TMPRSS11E: variants seen among roughly 807,000 people sequenced by gnomAD.
TMPRSS11E encodes transmembrane serine protease 11E.
TMPRSS11E carries 38 observed loss-of-function variants against 48.1 expected under a neutral mutation model. The ratio of observed to expected loss-of-function variants is 0.79; its 90% CI spans 0.61 to 1.04. The LOEUF (loss-of-function observed/expected upper bound fraction) is 1.04. Among genes scored for constraint, TMPRSS11E ranks in the 50% least tolerant of loss-of-function variants. The pLI is 0.00. For missense variants in TMPRSS11E, 530 were observed against 510.8 expected, an observed-to-expected ratio of 1.04 and a Z score of -0.36; for synonymous variants, 158 against 171.9, an observed-to-expected ratio of 0.92 and a Z score of 0.63.
intron 3 of TMPRSS11E, among the ~76,000 whole-genome samples, chr4:68,468,040 A>T (rs1391826680): frequency 1.3e-5 from 2 of 152,144 alleles, no homozygotes; most frequent in African/African-American, 2.4e-5. Context: ...TTTTCTTGTG[A>T]ATACTGCCAT....
At chr4:68,493,626 C>T (rs1729791047) in intron 9 of TMPRSS11E, among the ~76,000 whole-genome samples, 1 of 152,022 alleles carries the variant, frequency 6.6e-6, no homozygotes, top group South Asian at 2.1e-4. Flanking sequence ...GCCACCACAC[C>T]AGACTAATTT....
intron 9 of TMPRSS11E, among the ~76,000 whole-genome samples, chr4:68,494,946 C>A (rs1270763103): frequency 6.6e-6 from 1 of 152,166 alleles, no homozygotes; most frequent in Non-Finnish European, 1.5e-5. Flanking sequence ...TGGGTACAGG[C>A]ACTCAGGCAT....
At chr4:68,454,839 AG>A (rs1391938948) in intron 1 of TMPRSS11E, among the ~76,000 whole-genome samples, 5 of 151,930 alleles carry the variant, frequency 3.3e-5, no homozygotes, top group African/African-American at 1.2e-4. Context: ...GGTGTATAGT[AG>A]TTATACATAT....
At chr4:68,459,510 C>A (rs1728730318) in intron 1 of TMPRSS11E, among the ~76,000 whole-genome samples, 1 of 152,084 alleles carries the variant, frequency 6.6e-6, no homozygotes, top group African/African-American at 2.4e-5. Flanking sequence ...TATGCACACA[C>A]ATATATAGTT....
chr4:68,496,734 C>T lies in TMPRSS11E; in HGVS notation c.1202C>T (p.Pro401Leu), dbSNP rs1347306944. 1 of 1,613,590 alleles carries T rather than the reference C, an allele frequency of 6.2e-7. No individual in the cohort carries two copies. Residue 401 changes from proline to leucine, a missense_variant, in exon 10 of 10, where the codon CCC (proline) becomes CTC (leucine). Coordinates refer to ENST00000305363, the MANE Select transcript of TMPRSS11E (RefSeq NM_014058.4). ...IVSWGDECAKPNKPGVYTRVT... is the reference protein window; with the variant it reads ...IVSWGDECAKLNKPGVYTRVT... ...AGCTGGGGAGATGAATGTGCGAAAC[C>T]CAACAAGCCTGGTGTTTATACTAGA...
At chr4:68,463,651 C>A (rs572408460) in intron 2 of TMPRSS11E, among the ~76,000 whole-genome samples, 1 of 152,238 alleles carries the variant, frequency 6.6e-6, no homozygotes, top group African/African-American at 2.4e-5. Context: ...CTTTATAGTT[C>A]TACAGTTCTG....
intron 1 of TMPRSS11E, among the ~76,000 whole-genome samples, chr4:68,449,130 T>G (rs189828407): frequency 4.5e-4 from 68 of 151,220 alleles, no homozygotes; most frequent in African/African-American, 1.2e-3. Flanking sequence ...GTTTTTTTTT[T>G]TTTTTTTTAG....
intron 7 of TMPRSS11E, 121 bp downstream of exon 7, chr4:68,476,559 C>G: frequency 1.0e-6 from 1 of 979,254 alleles, no homozygotes; most frequent in Non-Finnish European, 1.5e-6. Context: ...GTGTGTATAT[C>G]ACAAAAGACT....
intron 9 of TMPRSS11E, among the ~76,000 whole-genome samples, chr4:68,488,357 GAA>G (rs1348235741): frequency 1.3e-5 from 2 of 152,066 alleles, no homozygotes; most frequent in African/African-American, 4.8e-5. Context: ...GTTCATTAAA[GAA>G]TATCTTTTTC....
intron 1 of TMPRSS11E, among the ~76,000 whole-genome samples, chr4:68,458,973 G>GGTTA (rs751428192): frequency 9.9e-5 from 15 of 152,162 alleles, no homozygotes; most frequent in Non-Finnish European, 2.1e-4. Context: ...TAGCTCATTA[G>GGTTA]GTTAGGAGGG....
chr4:68,468,851 G>C, intron 3 of TMPRSS11E, 28 bp from the exon 4 acceptor site: 1 of 1,452,276 alleles, frequency 6.9e-7, no homozygotes. Flanking sequence ...TGTTCTTGCT[G>C]ATATATTTTG....
At chr4:68,472,425 A>G (rs1212856369) in intron 5 of TMPRSS11E, among the ~76,000 whole-genome samples, 2 of 50,730 alleles carry the variant, frequency 3.9e-5, no homozygotes, top group Admixed American at 3.0e-4. Context: ...TGTAAAAATT[A>G]ATTATTCATC....
chr4:68,452,776 T>G (rs1253616590), intron 1 of TMPRSS11E, among the ~76,000 whole-genome samples: 1 of 151,986 alleles, frequency 6.6e-6, no homozygotes, highest in Non-Finnish European at 1.5e-5. Flanking sequence ...CAAACCAATC[T>G]TTTAATTATA....
At chr4:68,494,759 G>A (rs1166473418) in intron 9 of TMPRSS11E, among the ~76,000 whole-genome samples, 2 of 152,134 alleles carry the variant, frequency 1.3e-5, no homozygotes, top group Non-Finnish European at 2.9e-5. Flanking sequence ...CAGGCAAAAC[G>A]CCCAAAGTCT....
chr4:68,469,070 G>T, intron 4 of TMPRSS11E, 124 bp downstream of exon 4: 4 of 816,834 alleles, frequency 4.9e-6, no homozygotes, highest in South Asian at 1.6e-5. Flanking sequence ...CACTTGTCCT[G>T]TGTAAGTCAT....
At chr4:68,450,225 T>C (rs1183957342) in intron 1 of TMPRSS11E, among the ~76,000 whole-genome samples, 1 of 151,904 alleles carries the variant, frequency 6.6e-6, no homozygotes, top group South Asian at 2.1e-4. Context: ...TTTAGTGAGT[T>C]CTCATTGCAT....
chr4:68,468,088 T>C (rs1328691453), intron 3 of TMPRSS11E, among the ~76,000 whole-genome samples: 1 of 152,104 alleles, frequency 6.6e-6, no homozygotes, highest in Non-Finnish European at 1.5e-5. Flanking sequence ...CTTTGTCTCA[T>C]AATTGCAAGA....
intron 1 of TMPRSS11E, 142 bp from the exon 2 acceptor site, chr4:68,461,679 T>C: frequency 7.6e-7 from 1 of 1,316,838 alleles, no homozygotes; most frequent in South Asian, 1.5e-5. Flanking sequence ...CTCAGCAGCC[T>C]GGAACCAGGG....
rs1560548794 is a variant in TMPRSS11E at position 68,461,848 on chromosome 4, A to G, written c.39A>G (p.Arg13=). 3.1e-6 allele frequency: 5 copies of G among 1,614,040 alleles called. No individual in the cohort carries two copies. Among genetic ancestry groups the G allele is most frequent in the Admixed American group, 1.7e-5 (1 of 60,004 alleles). ...CAGATGTGGTGAGGGCTAGGAAAAG[A>G]GTTTGTTGGGAACCCTGGGTTATCG... ...YRPDVVRARK[R]VCWEPWVIGL... Residue 13 remains arginine, a synonymous_variant, in exon 2 of 10, where the codon AGA becomes AGG. Transcript: ENST00000305363.
Sources: allele counts gnomAD v4.1 joint callset (sites outside exome capture counted in the v4.1 genomes callset), GRCh38; gene constraint gnomAD v4.1.1; transcripts MANE v1.5; gene names NCBI Gene and HGNC (gene_info 2026-07-23, HGNC 2026-07-21).